The following C7orf78 variants were observed in gnomAD, a reference collection of about 807,000 sequenced individuals.
The protein encoded by C7orf78 is putative uncharacterized protein C7orf78.
At chr7:12,539,625 C>T in the C7orf78 span, among the ~76,000 whole-genome samples, 1 of 152,088 alleles carries the variant, frequency 6.6e-6, no homozygotes, top group Non-Finnish European at 1.5e-5. Flanking sequence ...ACCAAAACAC[C>T]AGGGGTTTAG....
the C7orf78 span, among the ~76,000 whole-genome samples, chr7:12,487,521 T>C: frequency 6.6e-6 from 1 of 152,202 alleles, no homozygotes; most frequent in East Asian, 1.9e-4. Flanking sequence ...CCTCCATTTA[T>C]TTCCTGTGAC....
the C7orf78 span, chr7:12,541,083 G>C: frequency 6.6e-6 from 1 of 152,174 alleles, no homozygotes; most frequent in Non-Finnish European, 1.5e-5. Context: ...AACAACAAAT[G>C]AAAGTTGCAT....
At chr7:12,508,819 TA>T in the C7orf78 span, among the ~76,000 whole-genome samples, 2 of 152,174 alleles carry the variant, frequency 1.3e-5, no homozygotes, top group Non-Finnish European at 2.9e-5. Flanking sequence ...GCGTGAACCC[TA>T]TTGTGAACTG....
At chr7:12,519,818 G>T in the C7orf78 span, among the ~76,000 whole-genome samples, 40,613 of 152,078 alleles carry the variant, frequency 0.27, 5,696 homozygotes, top group Middle Eastern at 0.34. Flanking sequence ...TGGACACCAG[G>T]GGATATAAAC....
the C7orf78 span, among the ~76,000 whole-genome samples, chr7:12,525,047 ATGT>A: frequency 2.8e-3 from 429 of 152,274 alleles, 5 homozygotes; most frequent in African/African-American, 9.6e-3. Context: ...ACTTGGTCTC[ATGT>A]TGTATTCAAT....
At chr7:12,496,218 T>TGC in the C7orf78 span, among the ~76,000 whole-genome samples, 3 of 152,006 alleles carry the variant, frequency 2.0e-5, no homozygotes, top group Admixed American at 2.0e-4. Context: ...AGCCACCTCG[T>TGC]CTGGCTGAGA....
chr7:12,494,352 G>T, the C7orf78 span, among the ~76,000 whole-genome samples: 1 of 152,150 alleles, frequency 6.6e-6, no homozygotes, highest in Non-Finnish European at 1.5e-5. Flanking sequence ...TTCCTTCTCT[G>T]AAGTATCACT....
the C7orf78 span, among the ~76,000 whole-genome samples, chr7:12,529,846 T>G: frequency 6.6e-6 from 1 of 152,256 alleles, no homozygotes; most frequent in South Asian, 2.1e-4. Flanking sequence ...GCAGAGGTAC[T>G]GCTCCTCGCG....
the C7orf78 span, among the ~76,000 whole-genome samples, chr7:12,490,420 T>G: frequency 6.6e-6 from 1 of 152,164 alleles, no homozygotes; most frequent in African/African-American, 2.4e-5. Context: ...AACTCTGGTT[T>G]GCTATTCATA....
chr7:12,494,799 G>A, the C7orf78 span, among the ~76,000 whole-genome samples: 3 of 152,028 alleles, frequency 2.0e-5, no homozygotes, highest in African/African-American at 4.8e-5. Flanking sequence ...TTAGAATTTG[G>A]GGCTGCTACC....
At chr7:12,538,124 T>G in the C7orf78 span, among the ~76,000 whole-genome samples, 1 of 152,194 alleles carries the variant, frequency 6.6e-6, no homozygotes, top group African/African-American at 2.4e-5. Context: ...AAATATTTAT[T>G]TAATATCTAT....
At chr7:12,517,444 T>G in the C7orf78 span, among the ~76,000 whole-genome samples, 1 of 152,190 alleles carries the variant, frequency 6.6e-6, no homozygotes, top group Non-Finnish European at 1.5e-5. Context: ...ACTTTGGAAC[T>G]TTTCAGCTAT....
At chr7:12,524,660 T>C in the C7orf78 span, among the ~76,000 whole-genome samples, 5 of 151,962 alleles carry the variant, frequency 3.3e-5, no homozygotes, top group Non-Finnish European at 7.4e-5. Context: ...CTAACCAACA[T>C]GGTGAAACCC....
chr7:12,534,240 A>G, the C7orf78 span, among the ~76,000 whole-genome samples: 1 of 152,174 alleles, frequency 6.6e-6, no homozygotes, highest in Non-Finnish European at 1.5e-5. Context: ...GCCATGAAAA[A>G]GCTATGTAAG....
the C7orf78 span, among the ~76,000 whole-genome samples, chr7:12,501,637 G>C: frequency 1.8e-4 from 25 of 135,950 alleles, no homozygotes; most frequent in South Asian, 2.7e-4. Flanking sequence ...AATCAATATC[G>C]TGAAAATGGC....
the C7orf78 span, among the ~76,000 whole-genome samples, chr7:12,535,006 G>GGAAGGAAA: frequency 6.6e-6 from 1 of 150,616 alleles, no homozygotes; most frequent in Non-Finnish European, 1.5e-5. Context: ...AAGGAAGGAA[G>GGAAGGAAA]GAAGGAAGGA....
At chr7:12,502,970 A>G in the C7orf78 span, among the ~76,000 whole-genome samples, 1 of 151,126 alleles carries the variant, frequency 6.6e-6, no homozygotes, top group African/African-American at 2.5e-5. Flanking sequence ...ATTCTCACTA[A>G]ACTATCGCAA....
chr7:12,504,925 A>G, the C7orf78 span, among the ~76,000 whole-genome samples: 3 of 152,000 alleles, frequency 2.0e-5, no homozygotes, highest in Admixed American at 6.6e-5. Flanking sequence ...TTTTTTACCT[A>G]TCTACCTCCC....
the C7orf78 span, among the ~76,000 whole-genome samples, chr7:12,501,527 A>C: frequency 8.0e-5 from 12 of 149,748 alleles, no homozygotes; most frequent in Admixed American, 2.7e-4. Context: ...CTTACAAGGG[A>C]TGTGAAGGAC....
Sources: allele counts gnomAD v4.1 joint callset (sites outside exome capture counted in the v4.1 genomes callset), GRCh38; gene constraint gnomAD v4.1.1; transcripts MANE v1.5; gene names NCBI Gene and HGNC (gene_info 2026-07-23, HGNC 2026-07-21).